ERBB4: variants seen among roughly 807,000 people sequenced by gnomAD.
ERBB4 encodes receptor tyrosine-protein kinase erbB-4.
In ERBB4, 42 loss-of-function variants were observed where a neutral mutation model predicts 158.0. The observed-to-expected ratio is 0.27, with a 90% CI of 0.21 to 0.34. The LOEUF (loss-of-function observed/expected upper bound fraction) is 0.34, where lower values mean the gene tolerates loss of function less well. ERBB4 is among the 10% of genes least tolerant of loss of function. The pLI is 1.00. For missense variants in ERBB4, 1,333 were observed against 1,624.1 expected, an observed-to-expected ratio of 0.82 and a Z score of 3.08; for synonymous variants, 583 against 558.7, an observed-to-expected ratio of 1.04 and a Z score of -0.61.
intron 17 of ERBB4, among the ~76,000 whole-genome samples, chr2:211,629,012 G>A (rs1388601474): frequency 6.6e-6 from 1 of 152,018 alleles, no homozygotes; most frequent in African/African-American, 2.4e-5. Flanking sequence ...CTTTTTGATG[G>A]GGTTGTTTGT....
chr2:211,968,232 A>G (rs939772881), intron 2 of ERBB4, among the ~76,000 whole-genome samples: 3 of 152,044 alleles, frequency 2.0e-5, no homozygotes, highest in Admixed American at 6.6e-5. Context: ...TCAGATGTAC[A>G]GCACAAGCTT....
At chr2:211,806,089 G>A (rs553308303) in intron 3 of ERBB4, among the ~76,000 whole-genome samples, 18 of 151,902 alleles carry the variant, frequency 1.2e-4, no homozygotes, top group Admixed American at 7.9e-4. Flanking sequence ...AAGTTTAATC[G>A]AGCCAAATAA....
chr2:211,833,410 C>T (rs1288990370), intron 3 of ERBB4, among the ~76,000 whole-genome samples: 1 of 151,914 alleles, frequency 6.6e-6, no homozygotes, highest in Non-Finnish European at 1.5e-5. Context: ...TAGAGGAAAC[C>T]CTTCCCAGAA....
At chr2:212,330,120 G>C (rs1385275460) in intron 1 of ERBB4, among the ~76,000 whole-genome samples, 1 of 152,028 alleles carries the variant, frequency 6.6e-6, no homozygotes, top group Non-Finnish European at 1.5e-5. Context: ...TTTAAGCTTT[G>C]ATTTGGCCAC....
chr2:211,935,748 A>G (rs2125108881), intron 3 of ERBB4, among the ~76,000 whole-genome samples: 1 of 152,138 alleles, frequency 6.6e-6, no homozygotes, highest in Non-Finnish European at 1.5e-5. Context: ...TCAAATAGCT[A>G]TTATCGTTAT....
At chr2:211,828,302 G>A (rs36112432) in intron 3 of ERBB4, among the ~76,000 whole-genome samples, 1 of 151,930 alleles carries the variant, frequency 6.6e-6, no homozygotes, top group Non-Finnish European at 1.5e-5. Flanking sequence ...ACGTATTAAC[G>A]AGGATGGTTG....
intron 3 of ERBB4, among the ~76,000 whole-genome samples, chr2:211,822,320 G>A (rs942567400): frequency 6.6e-6 from 1 of 151,904 alleles, no homozygotes; most frequent in Non-Finnish European, 1.5e-5. Context: ...ACAAAGAAAT[G>A]TTTGAGATAA....
intron 1 of ERBB4, among the ~76,000 whole-genome samples, chr2:212,390,953 T>C (rs74739316): frequency 0.018 from 2,804 of 151,932 alleles, 72 homozygotes; most frequent in East Asian, 0.065. Flanking sequence ...AATCTAAAAA[T>C]GCACAATTCC....
chr2:211,732,022 T>A lies in ERBB4; in HGVS notation c.623-6828A>T, dbSNP rs1396158055. Among the ~76,000 whole-genome samples, 6 of 152,044 alleles carry A rather than the reference T, an allele frequency of 3.9e-5. No individual in the cohort carries two copies. The South Asian group carries it at 6.2e-4, about 16-fold the overall frequency. ...TGTCAGAAAATTCATTTTTTTTTTT[T>A]ATTTGGAGCCTTAAGATTTTTAGAA... On this transcript the variant is annotated intron_variant, in intron 5 of 27. Transcript: ENST00000342788.
At chr2:211,900,582 T>A (rs1052072896) in intron 3 of ERBB4, among the ~76,000 whole-genome samples, 1 of 152,198 alleles carries the variant, frequency 6.6e-6, no homozygotes, top group Non-Finnish European at 1.5e-5. Context: ...TAACTCTATT[T>A]TAAGTAATTA....
At chr2:211,822,357 T>A (rs13025883) in intron 3 of ERBB4, among the ~76,000 whole-genome samples, 4,375 of 152,118 alleles carry the variant, frequency 0.029, 100 homozygotes, top group Admixed American at 0.04. Flanking sequence ...TCTGATCTGA[T>A]CACTATATAT....
intron 19 of ERBB4, among the ~76,000 whole-genome samples, 170 bp downstream of exon 19, chr2:211,619,007 A>T (rs2069493931): frequency 6.6e-6 from 1 of 152,130 alleles, no homozygotes; most frequent in Non-Finnish European, 1.5e-5. Context: ...GTGATCTAAA[A>T]AGTATAATAC....
chr2:211,431,051 G>A lies in ERBB4; in HGVS notation c.2537C>T (p.Ala846Val), dbSNP rs758104381. ...ERRLVHRDLA[A>V]RNVLVKSPNH... is the part of the protein sequence containing the mutation. ...TGGAGATTTCACTAAGACATTACGG[G>A]CTGCCAAATCCCGATGAACGAGTCG... The change falls in exon 21 of 28, where the codon GCC (alanine) becomes GTC (valine). Residue 846 changes from alanine to valine, a missense_variant. Ala to Val is a moderately conservative substitution (Grantham distance 64, BLOSUM62 0). Coordinates refer to ENST00000342788, the MANE Select transcript of ERBB4 (RefSeq NM_005235.3). 6.2e-7 allele frequency: 1 copy of A among 1,613,772 alleles called. No individual in the cohort carries two copies. The highest frequency in any genetic ancestry group is 2.2e-5 in the East Asian group (1 of 44,864).
chr2:211,826,903 T>C (rs910722301), intron 3 of ERBB4, among the ~76,000 whole-genome samples: 1 of 152,030 alleles, frequency 6.6e-6, no homozygotes, highest in Non-Finnish European at 1.5e-5. Flanking sequence ...CCAACTGTTA[T>C]TTGCAGAGAT....
intron 12 of ERBB4, among the ~76,000 whole-genome samples, chr2:211,682,632 C>G (rs192487605): frequency 6.6e-6 from 1 of 152,226 alleles, no homozygotes; most frequent in African/African-American, 2.4e-5. Flanking sequence ...GAAAAGATAT[C>G]CTTTCTGTAT....
chr2:211,463,393 C>A (rs2064587814), intron 20 of ERBB4, among the ~76,000 whole-genome samples: 2 of 152,184 alleles, frequency 1.3e-5, no homozygotes, highest in Admixed American at 6.5e-5. Context: ...AATACTACTT[C>A]TTCCTGGGTT....
chr2:212,504,227 A>G (rs1691057812), intron 1 of ERBB4, among the ~76,000 whole-genome samples: 1 of 152,194 alleles, frequency 6.6e-6, no homozygotes, highest in Non-Finnish European at 1.5e-5. Context: ...ATAGATTGCT[A>G]TTAAATCTTA....
At position 212,125,016 on chromosome 2, in the gene ERBB4, A is replaced by G; in HGVS notation, c.83-113T>C. On this transcript the variant is annotated intron_variant, in intron 1 of 27. Transcript: ENST00000342788. ...ACAAGCCTATCCCAGTTCTCTGAAT[A>G]TAAATATTTCGATCGTCATTAAGAG... is the stretch of plus-strand genomic sequence containing the variant. The G allele has an allele frequency of 8.5e-6, 11 of 1,300,474 alleles. No homozygotes were observed. The South Asian group carries it at 1.1e-4, about 13-fold the overall frequency. The allele number at this position is 1,300,474 out of a possible 1,614,324, so 80.6% of individuals were successfully genotyped here.
At chr2:211,647,479 G>A (rs534605454) in intron 16 of ERBB4, among the ~76,000 whole-genome samples, 15 of 151,510 alleles carry the variant, frequency 9.9e-5, no homozygotes, top group Middle Eastern at 3.4e-3. Context: ...CAACACATCC[G>A]AAACTAAACA....
Sources: gnomAD v4.1 joint callset for allele counts (sites outside exome capture counted in the v4.1 genomes callset) on GRCh38, gnomAD v4.1.1 for gene constraint, MANE v1.5 for transcripts, NCBI Gene and HGNC (gene_info 2026-07-23, HGNC 2026-07-21) for gene names.